The following ERC1 variants were observed in gnomAD, a reference collection of about 807,000 sequenced individuals.
ERC1 encodes the protein ELKS/RAB6-interacting/CAST family member 1.
In ERC1, 56 loss-of-function variants were observed where a neutral mutation model predicts 132.0. The ratio of observed to expected loss-of-function variants is 0.42; its 90% CI spans 0.34 to 0.53. The LOEUF is 0.53. Among genes scored for constraint, ERC1 ranks in the 20% least tolerant of loss-of-function variants. The pLI is 0.03. For synonymous variants in ERC1, 478 were observed against 476.1 expected (o/e 1.00, Z -0.05); for missense variants, 1,202 against 1,349.9 (o/e 0.89, Z 1.72).
At chr12:1,103,341 G>C (rs1288113418) in intron 3 of ERC1, among the ~76,000 whole-genome samples, 1 of 152,162 alleles carries the variant, frequency 6.6e-6, no homozygotes, top group Non-Finnish European at 1.5e-5. Flanking sequence ...GCAGGCTGCC[G>C]AGAGGACTTG....
chr12:1,413,375 G>A (rs1032252353), intron 17 of ERC1, among the ~76,000 whole-genome samples: 1 of 152,102 alleles, frequency 6.6e-6, no homozygotes, highest in East Asian at 1.9e-4. Flanking sequence ...AGGCAGATTG[G>A]TTGAAGCCAG....
intron 17 of ERC1, among the ~76,000 whole-genome samples, chr12:1,425,303 T>G (rs2092601378): frequency 6.6e-6 from 1 of 152,198 alleles, no homozygotes; most frequent in South Asian, 2.1e-4. Context: ...ACATCTCTTG[T>G]GGGGACAGGA....
At chr12:1,225,970 T>A (rs2074543911) in intron 12 of ERC1, among the ~76,000 whole-genome samples, 1 of 152,226 alleles carries the variant, frequency 6.6e-6, no homozygotes, top group Non-Finnish European at 1.5e-5. Flanking sequence ...CATTTGTTTG[T>A]CTTCTCTAAT....
At chr12:1,396,315 T>G (rs2090536985) in intron 16 of ERC1, among the ~76,000 whole-genome samples, 1 of 152,262 alleles carries the variant, frequency 6.6e-6, no homozygotes, top group African/African-American at 2.4e-5. Context: ...TTAGACTCAT[T>G]GCCAAAAAAT....
At chr12:1,290,951 G>C (rs2079408515) in intron 15 of ERC1, among the ~76,000 whole-genome samples, 2 of 152,072 alleles carry the variant, frequency 1.3e-5, no homozygotes, top group Non-Finnish European at 2.9e-5. Context: ...CTTCTTCTCT[G>C]CATAAATGCA....
At chr12:1,142,624 A>G (rs911887628) in intron 8 of ERC1, among the ~76,000 whole-genome samples, 1 of 152,212 alleles carries the variant, frequency 6.6e-6, no homozygotes, top group Non-Finnish European at 1.5e-5. Context: ...ATATTCCCAC[A>G]TACTTGTCTG....
At chr12:1,351,838 CT>C (rs1406072082) in intron 15 of ERC1, among the ~76,000 whole-genome samples, 2 of 151,920 alleles carry the variant, frequency 1.3e-5, no homozygotes, top group Non-Finnish European at 1.5e-5. Context: ...GATAACAGTC[CT>C]TTATCAAATG....
At chr12:1,283,623 C>CT (rs773018213) in intron 14 of ERC1, among the ~76,000 whole-genome samples, 10 of 152,174 alleles carry the variant, frequency 6.6e-5, no homozygotes, top group Non-Finnish European at 1.3e-4. Context: ...GCCTTGAATA[C>CT]TAAAATGCTT....
At chr12:1,113,296 G>A (rs11061638) in intron 6 of ERC1, among the ~76,000 whole-genome samples, 40,566 of 152,076 alleles carry the variant, frequency 0.27, 5,763 homozygotes, top group African/African-American at 0.36. Context: ...CACACTTACT[G>A]TAAACATTTT....
chr12:1,312,914 A>C (rs556151464), intron 15 of ERC1, among the ~76,000 whole-genome samples: 2 of 152,092 alleles, frequency 1.3e-5, no homozygotes, highest in South Asian at 4.2e-4. Context: ...AGTCTTCTTA[A>C]CTCTCCATCA....
At chr12:1,138,870 G>A (rs1288117835) in intron 7 of ERC1, among the ~76,000 whole-genome samples, 2 of 152,182 alleles carry the variant, frequency 1.3e-5, no homozygotes, top group Non-Finnish European at 2.9e-5. Context: ...GGTTAAGAGT[G>A]TGGGGTCTGG....
intron 2 of ERC1, among the ~76,000 whole-genome samples, chr12:1,073,426 C>T (rs550137717): frequency 1.2e-4 from 19 of 152,140 alleles, no homozygotes; most frequent in Middle Eastern, 3.4e-3. Context: ...CCAAGGTGGG[C>T]GGATAACCTG....
At chr12:1,428,225 C>A (rs757940078) in intron 17 of ERC1, among the ~76,000 whole-genome samples, 5 of 152,186 alleles carry the variant, frequency 3.3e-5, no homozygotes, top group Admixed American at 6.5e-5. Flanking sequence ...AAATAAAACT[C>A]TTCACGTATT....
intron 7 of ERC1, among the ~76,000 whole-genome samples, chr12:1,140,457 T>C (rs2154248156): frequency 6.6e-6 from 1 of 152,312 alleles, no homozygotes; most frequent in East Asian, 1.9e-4. Flanking sequence ...AAATCCAAAA[T>C]GTTCCATTGA....
At chr12:1,042,785 C>A (rs1970466752) in intron 2 of ERC1, among the ~76,000 whole-genome samples, 1 of 151,798 alleles carries the variant, frequency 6.6e-6, no homozygotes, top group Non-Finnish European at 1.5e-5. Flanking sequence ...AGAATACATT[C>A]AAAAAATGTT....
At chr12:1,460,736 C>G (rs1224176016) in intron 18 of ERC1, among the ~76,000 whole-genome samples, 2 of 151,450 alleles carry the variant, frequency 1.3e-5, no homozygotes, top group East Asian at 3.9e-4. Flanking sequence ...TGGTGTTTTT[C>G]TAACCCTGAT....
At chr12:1,028,842 A>G (rs1209370262) in intron 2 of ERC1, among the ~76,000 whole-genome samples, 2 of 136,336 alleles carry the variant, frequency 1.5e-5, no homozygotes, top group African/African-American at 2.7e-5. Flanking sequence ...TCCTTTCAGC[A>G]TATGTTATCT....
At chr12:1,096,299 T>G (rs1476276969) in intron 3 of ERC1, among the ~76,000 whole-genome samples, 3 of 152,212 alleles carry the variant, frequency 2.0e-5, no homozygotes, top group East Asian at 1.9e-4. Flanking sequence ...AGAAATCAGA[T>G]GAAATAAGTT....
chr12:1,131,200 G>A (rs1204967925), intron 7 of ERC1, among the ~76,000 whole-genome samples: 5 of 152,164 alleles, frequency 3.3e-5, no homozygotes, highest in Non-Finnish European at 7.4e-5. Context: ...GGAGGTGGTG[G>A]TGAAAGCCTT....
Sources: allele counts gnomAD v4.1 joint callset (sites outside exome capture counted in the v4.1 genomes callset), GRCh38; gene constraint gnomAD v4.1.1; transcripts MANE v1.5; gene names NCBI Gene and HGNC (gene_info 2026-07-23, HGNC 2026-07-21).